GAK: variants seen among roughly 807,000 people sequenced by gnomAD.
The protein encoded by GAK is cyclin-G-associated kinase.
Under a neutral mutation model 143.9 loss-of-function variants are expected in GAK, and 79 were observed. The observed-to-expected ratio is 0.55, with a 90% CI of 0.46 to 0.66. The LOEUF (loss-of-function observed/expected upper bound fraction) is 0.66. Among genes scored for constraint, GAK ranks in the 30% least tolerant of loss-of-function variants. GAK has a pLI of 0.00. For missense variants in GAK, 1,693 were observed against 1,779.7 expected, an observed-to-expected ratio of 0.95 and a Z score of 0.88; for synonymous variants, 881 against 765.5, an observed-to-expected ratio of 1.15 and a Z score of -2.49.
chr4:893,631 G>C, intron 8 of GAK, 142 bp from the exon 9 acceptor site: 1 of 725,314 alleles, frequency 1.4e-6, no homozygotes, highest in South Asian at 2.1e-5. Context: ...GAGCGGCAAA[G>C]GGAAGAACAA....
chr4:879,550 C>G (rs911421623), intron 15 of GAK, among the ~76,000 whole-genome samples: 14 of 152,204 alleles, frequency 9.2e-5, no homozygotes, highest in Non-Finnish European at 1.6e-4. Flanking sequence ...TGACATCTTT[C>G]TTTTTGTACC....
At chr4:850,193 CA>C (rs778455973) in intron 26 of GAK, 125 bp from the exon 27 acceptor site, 113 of 908,034 alleles carry the variant, frequency 1.2e-4, no homozygotes, top group Middle Eastern at 6.8e-4. Context: ...GCCCGGCTCA[CA>C]GACACTGTCC....
chr4:925,183 G>A (rs1028682785), intron 1 of GAK, among the ~76,000 whole-genome samples: 5 of 152,158 alleles, frequency 3.3e-5, no homozygotes, highest in African/African-American at 1.2e-4. Context: ...ATCAAAGCTT[G>A]ACACTTTTTA....
intron 27 of GAK, 58 bp downstream of exon 27, chr4:849,834 A>ACCCCCCCCCCCCCCCCCC: frequency 3.2e-6 from 3 of 942,246 alleles, no homozygotes; most frequent in Non-Finnish European, 4.7e-6. Context: ...GCGGGGCAGG[A>ACCCCCCCCCCCCCCCCCC]CCCCCCCCCC....
intron 18 of GAK, among the ~76,000 whole-genome samples, chr4:874,212 G>A (rs1713341303): frequency 1.3e-5 from 2 of 152,262 alleles, no homozygotes; most frequent in Admixed American, 6.5e-5. Flanking sequence ...ACGCGCTGGT[G>A]CTCCTGCTGT....
chr4:883,287 C>T (rs1450474594), intron 13 of GAK, 28 bp downstream of exon 13: 16 of 1,610,078 alleles, frequency 9.9e-6, no homozygotes, highest in African/African-American at 4.0e-5. Flanking sequence ...TCCAGAGTGG[C>T]ACCAAGACAA....
chr4:896,436 C>A, intron 7 of GAK, 24 bp downstream of exon 7: 1 of 1,601,666 alleles, frequency 6.2e-7, no homozygotes, highest in South Asian at 1.1e-5. Context: ...CCAGGCACTG[C>A]CACTGAGAGG....
chr4:861,976 C>CTGCAACGTACAAG (rs1437415280), intron 23 of GAK, among the ~76,000 whole-genome samples: 2 of 152,270 alleles, frequency 1.3e-5, no homozygotes, highest in Non-Finnish European at 2.9e-5. Context: ...GATGCCGTCT[C>CTGCAACGTACAAG]TGCAACGTAC....
At chr4:881,833 G>C in intron 15 of GAK, 74 bp downstream of exon 15, 14 of 1,479,514 alleles carry the variant, frequency 9.5e-6, no homozygotes, top group Non-Finnish European at 1.3e-5. Context: ...CCCTCCAGGA[G>C]ACACCACAGC....
At chr4:881,863 G>A (rs752402584) in intron 15 of GAK, 44 bp downstream of exon 15, 57 of 1,526,956 alleles carry the variant, frequency 3.7e-5, no homozygotes, top group Admixed American at 3.5e-4. Flanking sequence ...AGTGCCACAC[G>A]GGCCCACAGA....
At chr4:925,788 G>A (rs1292072423) in intron 1 of GAK, among the ~76,000 whole-genome samples, 2 of 152,330 alleles carry the variant, frequency 1.3e-5, no homozygotes, top group African/African-American at 2.4e-5. Context: ...CCTTGCGCCT[G>A]GACTTCCAGC....
In GAK at chr4:877,565, C is replaced by G. The variant is rs778553781; in HGVS notation, c.1856+50G>C. 3.0e-5 allele frequency: 45 copies of G among 1,511,484 alleles called. No homozygotes were observed. The South Asian group carries it at 5.5e-4, about 19-fold the overall frequency. The allele number at this position is 1,511,484 out of a possible 1,614,324, so 93.6% of individuals were successfully genotyped here. A position where few individuals can be genotyped will look rare whatever the true frequency, so the allele number is the denominator to read the frequency against. On this transcript the variant is annotated intron_variant, in intron 16 of 27. Transcript: ENST00000314167. The stretch of plus-strand genomic sequence containing the variant: ...CCAGGGTTCCTCTTTAACGGTTTTC[C>G]GGAGGGGTGAGGAGGAGGGAGCACA...
chr4:866,440 A>G lies in GAK; in HGVS notation c.2967T>C (p.Ser989=), dbSNP rs760914848. The change falls in exon 22 of 28, where the codon TCT becomes TCC. Residue 989 remains serine, a synonymous_variant. Coordinates refer to ENST00000314167, the MANE Select transcript of GAK (RefSeq NM_005255.4). Reference sequence around the variant, plus strand: ...ACGGGAAGGATGGTGGGACGGTCACAGAGTCCGAATTGAGAAATTCGCCGA... The same window carrying G: ...ACGGGAAGGATGGTGGGACGGTCACGGAGTCCGAATTGAGAAATTCGCCGA... ...DLFGEFLNSD[S]VTVPPSFPSA... 1.9e-6 allele frequency: 3 copies of G among 1,614,054 alleles called. No homozygotes were observed. The highest frequency in any genetic ancestry group is 2.5e-6 in the Non-Finnish European group (3 of 1,180,010).
At chr4:889,356 C>T (rs1022356259) in intron 10 of GAK, among the ~76,000 whole-genome samples, 1 of 152,224 alleles carries the variant, frequency 6.6e-6, no homozygotes, top group South Asian at 2.1e-4. Flanking sequence ...CCACCATGAC[C>T]CTGGACGTGA....
At chr4:926,243 G>A (rs999996570) in intron 1 of GAK, among the ~76,000 whole-genome samples, 6 of 152,204 alleles carry the variant, frequency 3.9e-5, no homozygotes, top group African/African-American at 1.4e-4. Flanking sequence ...TTAACAGACA[G>A]AAACCACAGA....
In GAK at chr4:877,116, T is replaced by A. The variant is rs201736881; in HGVS notation, c.1948A>T (p.Thr650Ser). 8.1e-6 allele frequency: 13 copies of A among 1,612,662 alleles called. No individual in the cohort carries two copies. The Admixed American group carries it at 1.7e-4, about 21-fold the overall frequency. Reference sequence around the variant, plus strand: ...TTGGCCTGCAGCCGGCCGCCCAGAGTGGACCGGGCGTGATAGATGACGATG... The same window carrying A: ...TTGGCCTGCAGCCGGCCGCCCAGAGAGGACCGGGCGTGATAGATGACGATG... ...VLIVIYHARSTLGGRLQAKMA... is the reference protein window; with the variant it reads ...VLIVIYHARSSLGGRLQAKMA... The change falls in exon 17 of 28, where the codon ACT becomes TCT. Residue 650 changes from threonine (T) to serine (S), a missense_variant. Coordinates refer to ENST00000314167, the MANE Select transcript of GAK (RefSeq NM_005255.4).
In GAK at chr4:867,283, G is replaced by C; in HGVS notation, c.2545C>G (p.Pro849Ala). The change falls in exon 21 of 28, where the codon CCC (proline) becomes GCC (alanine). Residue 849 changes from proline to alanine, a missense_variant. Pro to Ala is a conservative substitution (Grantham distance 27, BLOSUM62 -1). Transcript: ENST00000314167. ...ACCAGCCCTGCTGCCAGGCCGGGGG[G>C]CTCTGGGTCGGCCCTGGGTTCCTGG... ...EGQEPRADPE[P>A]PGLAAGLVQQ... 2 of 1,612,976 alleles carry C rather than the reference G, an allele frequency of 1.2e-6. No individual in the cohort carries two copies. The highest frequency in any genetic ancestry group is 1.7e-4 in the Middle Eastern group (1 of 6,058).
intron 5 of GAK, among the ~76,000 whole-genome samples, chr4:902,599 A>AAAAAAAAAAAC (rs1720099207): frequency 6.8e-6 from 1 of 147,832 alleles, no homozygotes. Context: ...ACTGACTCAA[A>AAAAAAAAAAAC]AAAAAAAAAA....
chr4:865,902 GC>G (rs1751086246), intron 22 of GAK, among the ~76,000 whole-genome samples: 1 of 152,232 alleles, frequency 6.6e-6, no homozygotes, highest in Non-Finnish European at 1.5e-5. Flanking sequence ...GCCATGCTGT[GC>G]CCCGGCGCCT....
Sources: allele counts gnomAD v4.1 joint callset (sites outside exome capture counted in the v4.1 genomes callset), GRCh38; gene constraint gnomAD v4.1.1; transcripts MANE v1.5; gene names NCBI Gene and HGNC (gene_info 2026-07-23, HGNC 2026-07-21).